The following PRUNE2 variants were observed in gnomAD, a reference collection of about 807,000 sequenced individuals.
The protein encoded by PRUNE2 is protein prune homolog 2.
PRUNE2 carries 164 observed loss-of-function variants against 252.0 expected under a neutral mutation model. The ratio of observed to expected loss-of-function variants is 0.65; its 90% confidence interval spans 0.57 to 0.74. The LOEUF (loss-of-function observed/expected upper bound fraction) is 0.74. Among genes scored for constraint, PRUNE2 ranks in the 30% least tolerant of loss-of-function variants. PRUNE2 has a pLI of 0.00. For synonymous variants in PRUNE2, 1,292 were observed against 1,350.2 expected, an observed-to-expected ratio of 0.96 and a Z score of 0.94; for missense variants, 3,495 against 3,711.0, an observed-to-expected ratio of 0.94 and a Z score of 1.51.
intron 6 of PRUNE2, among the ~76,000 whole-genome samples, chr9:76,805,888 T>G (rs2056900328): frequency 6.6e-6 from 1 of 152,214 alleles, no homozygotes; most frequent in South Asian, 2.1e-4. Context: ...TTTCTCTCTC[T>G]GAGTCTTCAT....
chr9:76,751,745 AATAGATTTGGTTAGACAGTTATTGT>A (rs2050631742), intron 6 of PRUNE2, among the ~76,000 whole-genome samples: 1 of 152,248 alleles, frequency 6.6e-6, no homozygotes, highest in South Asian at 2.1e-4. Context: ...TGAATAACTA[AATAGATTTGGTTAGACAGTTATTGT>A]GATAGAAAAG....
intron 18 of PRUNE2, 27 bp downstream of exon 18, chr9:76,619,313 T>C (rs753785947): frequency 4.1e-5 from 62 of 1,495,918 alleles, no homozygotes; most frequent in Non-Finnish European, 5.4e-5. Context: ...AGTAACCACA[T>C]AGCTGTTATT....
chr9:76,762,675 C>T (rs1171949636), intron 6 of PRUNE2, among the ~76,000 whole-genome samples: 1 of 152,160 alleles, frequency 6.6e-6, no homozygotes, highest in East Asian at 1.9e-4. Flanking sequence ...GTGGCTCCTC[C>T]AGTCCTAGCT....
chr9:76,708,191 A>T lies in PRUNE2; in HGVS notation c.4083T>A (p.Ser1361Arg), dbSNP rs771852450. ...CAACCAGAGAAGACAGTTCCTGGTC[A>T]CTCTGCCCTTTTTCAGAAATCCCTG... Reference protein sequence around the residue: ...NASGISEKGQSDQELSSLVAS... With the variant: ...NASGISEKGQRDQELSSLVAS... Residue 1361 changes from serine (S) to arginine (R), a missense_variant, in exon 8 of 19, where the codon AGT (serine) becomes AGA (arginine). Transcript: ENST00000376718. The T allele has an allele frequency of 8.1e-6, 13 of 1,613,888 alleles. No individual in the cohort carries two copies. Among genetic ancestry groups the T allele is most frequent in the Non-Finnish European group, 1.0e-5 (12 of 1,179,874 alleles).
intron 16 of PRUNE2, chr9:76,627,773 C>T: frequency 3.6e-6 from 1 of 274,676 alleles, no homozygotes; most frequent in South Asian, 3.0e-5. Context: ...TCCGTTCCAT[C>T]TCTTCCTGGT....
chr9:76,793,089 T>A (rs149984674), intron 6 of PRUNE2, among the ~76,000 whole-genome samples: 238 of 152,170 alleles, frequency 1.6e-3, no homozygotes, highest in African/African-American at 5.4e-3. Context: ...CCATGTGGGG[T>A]TTGGTACATC....
At chr9:76,798,509 C>T (rs964355996) in intron 6 of PRUNE2, among the ~76,000 whole-genome samples, 1 of 152,132 alleles carries the variant, frequency 6.6e-6, no homozygotes, top group South Asian at 2.1e-4. Flanking sequence ...GTATGTTATA[C>T]AACATTTTGT....
In PRUNE2 at chr9:76,705,624, AT is replaced by A. The variant is rs1385347544; in HGVS notation, c.6649del (p.Ile2217PhefsTer21). ...EKGASPDMAPILEPVDRRIPR... is the reference protein window; with the variant it reads ...EKGASPDMAPXLEPVDRRIPR... ...GATTCTTCTGTCAACTGGTTCCAAA[AT>A]TGGTGCCATATCTGGGCTGGCTCCT... On this transcript the variant is annotated frameshift_variant, in exon 8 of 19. Transcript: ENST00000376718. LOFTEE classifies it high-confidence loss of function. 6.2e-7 allele frequency: 1 copy of A among 1,614,040 alleles called. No homozygotes were observed. The highest frequency in any genetic ancestry group is 2.2e-5 in the East Asian group (1 of 44,886).
chr9:76,733,226 C>T (rs541894126), intron 6 of PRUNE2, among the ~76,000 whole-genome samples: 11 of 152,272 alleles, frequency 7.2e-5, no homozygotes, highest in African/African-American at 2.6e-4. Flanking sequence ...AAACAGATGG[C>T]AACATCTTCA....
chr9:76,710,708 G>C lies in PRUNE2; in HGVS notation c.1566C>G (p.Phe522Leu). 1 of 1,612,832 alleles carries C rather than the reference G, an allele frequency of 6.2e-7. No individual in the cohort carries two copies. Among genetic ancestry groups the C allele is most frequent in the Non-Finnish European group, 8.5e-7 (1 of 1,179,418 alleles). The change falls in exon 8 of 19, where the codon TTC (phenylalanine) becomes TTG (leucine). Residue 522 changes from phenylalanine to leucine, a missense_variant. Physicochemically the swap from Phe to Leu is conservative, Grantham distance 22. Coordinates refer to ENST00000376718, the MANE Select transcript of PRUNE2 (RefSeq NM_015225.3). ...SADYSPADDF[F>L]PNSDLSEGQL... ...GTCCTTCTGACAGGTCACTGTTGGG[G>C]AAGAAGTCATCTGCTGGGGAGTAGT... is the stretch of plus-strand genomic sequence containing the variant.
chr9:76,846,694 A>T lies in PRUNE2; in HGVS notation c.345-16T>A. The T allele has an allele frequency of 6.2e-7, 1 of 1,607,252 alleles. No homozygotes were observed. The highest frequency in any genetic ancestry group is 8.5e-7 in the Non-Finnish European group (1 of 1,174,160). On this transcript the variant is annotated splice_polypyrimidine_tract_variant and intron_variant, in intron 3 of 18. Transcript: ENST00000376718. ...TTTGTCTTCACTGTAAAGCAAATGG[A>T]GGGGAGGAAGAGAAAGGGATATGGC...
At chr9:76,716,085 T>C (rs1394086455) in intron 6 of PRUNE2, among the ~76,000 whole-genome samples, 1 of 151,958 alleles carries the variant, frequency 6.6e-6, no homozygotes, top group Non-Finnish European at 1.5e-5. Flanking sequence ...ACTACACTCC[T>C]GGCCGGGTCA....
intron 11 of PRUNE2, among the ~76,000 whole-genome samples, chr9:76,646,983 T>C (rs1845155278): frequency 6.6e-6 from 1 of 152,014 alleles, no homozygotes; most frequent in Non-Finnish European, 1.5e-5. Context: ...AGCTCAGGGG[T>C]TCAAGACCAG....
intron 6 of PRUNE2, among the ~76,000 whole-genome samples, chr9:76,762,247 T>C (rs1370681873): frequency 6.6e-6 from 1 of 152,246 alleles, no homozygotes; most frequent in East Asian, 1.9e-4. Context: ...ATTTGACTCC[T>C]GTAAAGATTT....
chr9:76,700,009 T>C (rs1478911484), intron 9 of PRUNE2, among the ~76,000 whole-genome samples: 1 of 152,210 alleles, frequency 6.6e-6, no homozygotes, highest in Non-Finnish European at 1.5e-5. Context: ...ACCAAGGTGT[T>C]GGCAAAGGAT....
intron 6 of PRUNE2, among the ~76,000 whole-genome samples, chr9:76,736,291 C>T (rs1245035231): frequency 6.6e-6 from 1 of 152,126 alleles, no homozygotes; most frequent in Non-Finnish European, 1.5e-5. Context: ...TAAAATCAGG[C>T]ACAATGTCAT....
At chr9:76,867,597 C>T (rs2060922192) in intron 1 of PRUNE2, among the ~76,000 whole-genome samples, 2 of 152,170 alleles carry the variant, frequency 1.3e-5, no homozygotes, top group Non-Finnish European at 2.9e-5. Context: ...GAGACGGAGT[C>T]TCACTCTGTC....
intron 6 of PRUNE2, among the ~76,000 whole-genome samples, chr9:76,762,200 T>C (rs570325330): frequency 6.6e-6 from 1 of 152,348 alleles, no homozygotes; most frequent in Admixed American, 6.5e-5. Flanking sequence ...AGTGATTTCT[T>C]TGCCCTGAGT....
chr9:76,865,806 TAC>T (rs34661457), intron 1 of PRUNE2, among the ~76,000 whole-genome samples: 4,628 of 126,916 alleles, frequency 0.036, 60 homozygotes, highest in African/African-American at 0.057. Flanking sequence ...TCTCTCTCCC[TAC>T]ACACACACAC....
Sources: gnomAD v4.1 joint callset for allele counts (sites outside exome capture counted in the v4.1 genomes callset) on GRCh38, gnomAD v4.1.1 for gene constraint, MANE v1.5 for transcripts, NCBI Gene and HGNC (gene_info 2026-07-23, HGNC 2026-07-21) for gene names.